The following AVEN variants were observed in gnomAD, a reference collection of about 807,000 sequenced individuals.
The protein encoded by AVEN is cell death regulator Aven.
Under a neutral mutation model 38.1 loss-of-function variants are expected in AVEN, and 41 were observed. The observed-to-expected ratio is 1.08, with a 90% CI of 0.84 to 1.40. The LOEUF (loss-of-function observed/expected upper bound fraction) is 1.40, where lower values mean the gene tolerates loss of function less well. Among genes scored for constraint, AVEN ranks in the 40% most tolerant of loss-of-function variants. The probability of loss-of-function intolerance (pLI) is 0.00; values close to 1 mark genes in which losing one functional copy is unlikely to be tolerated. For missense variants in AVEN, 605 were observed against 438.8 expected (o/e 1.38, Z -3.38); for synonymous variants, 206 against 171.8 (o/e 1.20, Z -1.56).
chr15:33,875,947 C>G lies in AVEN; in HGVS notation c.494G>C (p.Ser165Thr). 1 of 1,613,772 alleles carries G rather than the reference C, an allele frequency of 6.2e-7. No individual in the cohort carries two copies. The highest frequency in any genetic ancestry group is 8.5e-7 in the Non-Finnish European group (1 of 1,179,970). Residue 165 changes from serine to threonine, a missense_variant, in exon 3 of 6, where the codon AGT (serine) becomes ACT (threonine). By Grantham distance (58) the Ser-to-Thr change is moderately conservative (BLOSUM62 1). Coordinates refer to ENST00000306730, the MANE Select transcript of AVEN (RefSeq NM_020371.3). ...TACCTGTTTTGGACAAGAAGCTTCA[C>G]TATCCCATTCTTTCTCCTCAGCAAA... Reference protein sequence around the residue: ...FRFAEEKEWDSEASCPKQNSA... With the variant: ...FRFAEEKEWDTEASCPKQNSA...
chr15:34,040,187 C>G (rs921471310), upstream of AVEN, among the ~76,000 whole-genome samples: 36 of 152,132 alleles, frequency 2.4e-4, no homozygotes, highest in Non-Finnish European at 1.5e-5. Context: ...AAAACCTTGC[C>G]CCTGCCCTCA....
chr15:33,909,772 T>C (rs143864529), intron 2 of AVEN, among the ~76,000 whole-genome samples: 2,641 of 152,332 alleles, frequency 0.017, 37 homozygotes, highest in Non-Finnish European at 0.021. Context: ...ATAAATTTTA[T>C]CAGGTATATA....
intron 5 of AVEN, among the ~76,000 whole-genome samples, chr15:34,058,711 C>T (rs747636422): frequency 3.9e-5 from 6 of 151,992 alleles, no homozygotes; most frequent in Middle Eastern, 3.2e-3. Flanking sequence ...CCTATAAAGC[C>T]AAATTCTTCT....
intron 11 of AVEN, among the ~76,000 whole-genome samples, chr15:33,860,924 TAGCCA>T (rs1567355877): frequency 8.3e-6 from 1 of 120,700 alleles, no homozygotes; most frequent in African/African-American, 3.6e-5. Context: ...GAATGACTAA[TAGCCA>T]ATGTATGGCA....
intron 1 of AVEN, among the ~76,000 whole-genome samples, chr15:34,034,440 CTTT>C (rs35115548): frequency 2.6e-4 from 23 of 88,460 alleles, no homozygotes; most frequent in Admixed American, 1.1e-3. Context: ...GACCCAGTTT[CTTT>C]TTTAAAAAAA....
chr15:34,074,435 C>T (rs1466532169), intron 1 of AVEN, among the ~76,000 whole-genome samples: 3 of 152,202 alleles, frequency 2.0e-5, no homozygotes, highest in African/African-American at 7.2e-5. Context: ...CAAAAATTTA[C>T]CATTTCATAG....
intron 5 of AVEN, among the ~76,000 whole-genome samples, chr15:34,054,848 G>T (rs537216464): frequency 5.9e-5 from 9 of 151,716 alleles, no homozygotes; most frequent in African/African-American, 2.2e-4. Context: ...TAAGATAAAT[G>T]TTGGGAAAAA....
chr15:33,988,060 G>C (rs563384378), intron 2 of AVEN, among the ~76,000 whole-genome samples: 1 of 152,326 alleles, frequency 6.6e-6, no homozygotes, highest in South Asian at 2.1e-4. Flanking sequence ...AGTGCCCTGA[G>C]GCCTGGCTGC....
intron 2 of AVEN, among the ~76,000 whole-genome samples, chr15:33,880,795 A>C (rs563570933): frequency 6.6e-6 from 1 of 152,226 alleles, no homozygotes; most frequent in Non-Finnish European, 1.5e-5. Context: ...ACAGAGATTA[A>C]GATATTGGGG....
downstream of AVEN, chr15:33,857,760 C>T (rs769719945): frequency 1.9e-6 from 3 of 1,613,552 alleles, no homozygotes; most frequent in African/African-American, 4.0e-5. Context: ...CTTTTCCTTT[C>T]TCTGTCCTCT....
chr15:33,886,261 G>A (rs1458178990), intron 2 of AVEN, among the ~76,000 whole-genome samples: 1 of 152,170 alleles, frequency 6.6e-6, no homozygotes, highest in Non-Finnish European at 1.5e-5. Flanking sequence ...ATGGGGGGCG[G>A]TCTCCCCATG....
At chr15:33,996,790 G>C (rs558290882) in intron 2 of AVEN, among the ~76,000 whole-genome samples, 1 of 152,174 alleles carries the variant, frequency 6.6e-6, no homozygotes, top group Admixed American at 6.5e-5. Flanking sequence ...AAACCAGAGC[G>C]CCTCTTGTCC....
chr15:33,857,791 T>C (rs1478699915), downstream of AVEN: 1 of 1,613,990 alleles, frequency 6.2e-7, no homozygotes, highest in African/African-American at 1.3e-5. Context: ...TGGTTCTGAC[T>C]GTCGGTCTCC....
At chr15:34,025,665 T>C (rs766751422) in intron 1 of AVEN, among the ~76,000 whole-genome samples, 1 of 152,084 alleles carries the variant, frequency 6.6e-6, no homozygotes, top group African/African-American at 2.4e-5. Flanking sequence ...CACATTGAAG[T>C]GTTTAGGGGT....
At chr15:33,873,890 C>T (rs114092593) in intron 3 of AVEN, among the ~76,000 whole-genome samples, 4,257 of 152,170 alleles carry the variant, frequency 0.028, 203 homozygotes, top group African/African-American at 0.096. Flanking sequence ...CACAGTTGAC[C>T]CCATCCTCCA....
At chr15:33,989,546 T>C (rs1333903334) in intron 2 of AVEN, among the ~76,000 whole-genome samples, 1 of 151,824 alleles carries the variant, frequency 6.6e-6, no homozygotes, top group Non-Finnish European at 1.5e-5. Context: ...TAAACACATA[T>C]ACTACACTTC....
Position 34,038,911 on chromosome 15 carries a change from C to T in AVEN, c.136G>A (p.Asp46Asn). 1 of 1,112,424 alleles carries T rather than the reference C, an allele frequency of 9.0e-7. No individual in the cohort carries two copies. The highest frequency in any genetic ancestry group is 1.1e-6 in the Non-Finnish European group (1 of 916,974). 68.9% of individuals were successfully genotyped at this position (1,112,424 alleles called of 1,614,324 possible). A position where few individuals can be genotyped will look rare whatever the true frequency, so the allele number is the denominator to read the frequency against. The change falls in exon 1 of 6, where the codon GAC (aspartate) becomes AAC (asparagine). Residue 46 changes from aspartate to asparagine, a missense_variant. Transcript: ENST00000306730. Reference sequence around the variant, plus strand: ...CCACGGCCCCGGCGTCCGCCTCCGTCCCCGCCGCCGCCTCCGCCGCCGCCT... The same window carrying T: ...CCACGGCCCCGGCGTCCGCCTCCGTTCCCGCCGCCGCCTCCGCCGCCGCCT... ...ARGGGGGGGG[D>N]GGGRRGRGRG... is the part of the protein sequence containing the mutation.
intron 2 of AVEN, among the ~76,000 whole-genome samples, chr15:33,927,852 G>A (rs1893684705): frequency 6.6e-6 from 1 of 152,164 alleles, no homozygotes; most frequent in South Asian, 2.1e-4. Flanking sequence ...GGAAATTTGA[G>A]TTGGGGACAT....
intron 2 of AVEN, among the ~76,000 whole-genome samples, chr15:33,990,358 G>T (rs1422249158): frequency 6.6e-6 from 1 of 152,076 alleles, no homozygotes; most frequent in African/African-American, 2.4e-5. Flanking sequence ...CTCCAGCATG[G>T]GCGACAGAGT....
Sources: gnomAD v4.1 joint callset for allele counts (sites outside exome capture counted in the v4.1 genomes callset) on GRCh38, gnomAD v4.1.1 for gene constraint, MANE v1.5 for transcripts, NCBI Gene and HGNC (gene_info 2026-07-23, HGNC 2026-07-21) for gene names.